The following HECW2 variants were observed in gnomAD, a reference collection of about 807,000 sequenced individuals.
HECW2 encodes the protein E3 ubiquitin-protein ligase HECW2.
In HECW2, 61 loss-of-function variants were observed where a neutral mutation model predicts 175.2. That is an observed-to-expected ratio of 0.35 (90% CI 0.28 to 0.43). HECW2 has a LOEUF of 0.43. Ranked by LOEUF, HECW2 falls within the 20% of genes least tolerant of loss-of-function variation. The pLI is 1.00. For synonymous variants in HECW2, 671 were observed against 731.0 expected, an observed-to-expected ratio of 0.92 and a Z score of 1.32; for missense variants, 1,524 against 2,000.5, an observed-to-expected ratio of 0.76 and a Z score of 4.54.
intron 1 of HECW2, among the ~76,000 whole-genome samples, chr2:196,538,852 AG>A (rs1689108141): frequency 6.6e-6 from 1 of 152,148 alleles, no homozygotes; most frequent in Non-Finnish European, 1.5e-5. Context: ...GCAGTCACCT[AG>A]GAACCAGCCG....
chr2:196,561,931 G>A (rs1329529183), intron 1 of HECW2, among the ~76,000 whole-genome samples: 2 of 152,186 alleles, frequency 1.3e-5, no homozygotes, highest in Non-Finnish European at 2.9e-5. Context: ...AATGAAAAGA[G>A]GCAATCAGTA....
intron 2 of HECW2, among the ~76,000 whole-genome samples, chr2:196,400,127 A>G (rs1049842477): frequency 5.3e-5 from 8 of 152,236 alleles, no homozygotes; most frequent in Non-Finnish European, 7.3e-5. Flanking sequence ...GCTTCTTCAT[A>G]GGTCTAAGAA....
intron 14 of HECW2, among the ~76,000 whole-genome samples, chr2:196,283,522 C>T (rs373606316): frequency 2.4e-4 from 36 of 151,668 alleles, no homozygotes; most frequent in South Asian, 1.7e-3. Context: ...ATTACAGGCA[C>T]GCACCACCAC....
chr2:196,520,136 C>T (rs1397354650), intron 1 of HECW2, among the ~76,000 whole-genome samples: 2 of 152,010 alleles, frequency 1.3e-5, no homozygotes, highest in African/African-American at 4.8e-5. Flanking sequence ...AAGTAATGTA[C>T]CAACGTTGAA....
At chr2:196,223,438 A>G (rs1687741948) in intron 23 of HECW2, among the ~76,000 whole-genome samples, 1 of 152,196 alleles carries the variant, frequency 6.6e-6, no homozygotes, top group Non-Finnish European at 1.5e-5. Flanking sequence ...CGTAAAAAGG[A>G]ATACATGAAG....
chr2:196,502,717 A>G (rs1314210061), intron 1 of HECW2, among the ~76,000 whole-genome samples: 1 of 152,190 alleles, frequency 6.6e-6, no homozygotes, highest in Non-Finnish European at 1.5e-5. Context: ...AATAATGGGT[A>G]AGAGCAACTA....
intron 14 of HECW2, among the ~76,000 whole-genome samples, chr2:196,286,631 T>C (rs1038822971): frequency 2.6e-5 from 4 of 152,184 alleles, no homozygotes; most frequent in African/African-American, 9.7e-5. Context: ...CTTTCTAACA[T>C]ATTTTTACCT....
At chr2:196,535,491 A>G (rs1688991626) in intron 1 of HECW2, among the ~76,000 whole-genome samples, 1 of 152,238 alleles carries the variant, frequency 6.6e-6, no homozygotes. Flanking sequence ...GAGACTTACT[A>G]AAGGCAAATT....
chr2:196,555,033 T>C (rs866508692), intron 1 of HECW2, among the ~76,000 whole-genome samples: 1 of 152,030 alleles, frequency 6.6e-6, no homozygotes, highest in Non-Finnish European at 1.5e-5. Context: ...TTGTCAAACC[T>C]TCAAGGTCGC....
chr2:196,292,809 A>T, intron 13 of HECW2, 59 bp from the exon 14 acceptor site: 1 of 1,314,886 alleles, frequency 7.6e-7, no homozygotes, highest in Admixed American at 1.9e-5. Context: ...AAGCACCAGA[A>T]ATACTACACA....
intron 1 of HECW2, among the ~76,000 whole-genome samples, chr2:196,581,393 G>T (rs186001647): frequency 3.7e-4 from 57 of 152,160 alleles, no homozygotes; most frequent in Non-Finnish European, 4.3e-4. Flanking sequence ...AAATAGCTGG[G>T]CATGGTGGCA....
intron 2 of HECW2, among the ~76,000 whole-genome samples, chr2:196,367,110 C>T (rs1309354691): frequency 6.6e-6 from 1 of 152,142 alleles, no homozygotes; most frequent in African/African-American, 2.4e-5. Flanking sequence ...CATTCAGAGA[C>T]TCTAACATAT....
chr2:196,309,491 T>C lies in HECW2; in HGVS notation c.2435-1406A>G, dbSNP rs531642531. Among the ~76,000 whole-genome samples the C allele has an allele frequency of 5.9e-5, 9 of 152,366 alleles. No homozygotes were observed. The South Asian group carries it at 1.4e-3, about 25-fold the overall frequency. On this transcript the variant is annotated intron_variant, in intron 10 of 28. Coordinates refer to ENST00000644978, the MANE Select transcript of HECW2 (RefSeq NM_001348768.2). ...AGACCTCACGCCCAGCCTGTTGATA[T>C]GCTCACAAATAGCAAGTACATTAAA...
chr2:196,438,757 T>C (rs1695953702), intron 1 of HECW2, among the ~76,000 whole-genome samples: 1 of 152,266 alleles, frequency 6.6e-6, no homozygotes, highest in Admixed American at 6.5e-5. Flanking sequence ...AATCCTGTTA[T>C]ATGAAGACAT....
chr2:196,401,255 C>A (rs1469857108), intron 2 of HECW2, among the ~76,000 whole-genome samples: 1 of 152,136 alleles, frequency 6.6e-6, no homozygotes, highest in Non-Finnish European at 1.5e-5. Flanking sequence ...AATTATAGTA[C>A]AAGCATATTA....
chr2:196,290,235 G>C (rs1336918571), intron 14 of HECW2: 8 of 152,158 alleles, frequency 5.3e-5, no homozygotes, highest in Non-Finnish European at 8.8e-5. Flanking sequence ...AGGATGTTTT[G>C]TATAGTCATG....
intron 14 of HECW2, chr2:196,288,184 G>A (rs1004472926): frequency 1.3e-5 from 2 of 152,126 alleles, no homozygotes. Flanking sequence ...TTGTGCCAAT[G>A]TGTCGATCTG....
chr2:196,541,552 G>T (rs1689214493), intron 1 of HECW2, among the ~76,000 whole-genome samples: 1 of 152,204 alleles, frequency 6.6e-6, no homozygotes, highest in African/African-American at 2.4e-5. Flanking sequence ...AGGCTTATGG[G>T]TATGGCTTCT....
At chr2:196,374,259 T>G (rs1021844263) in intron 2 of HECW2, among the ~76,000 whole-genome samples, 1 of 152,118 alleles carries the variant, frequency 6.6e-6, no homozygotes, top group Non-Finnish European at 1.5e-5. Context: ...CATGAGATAA[T>G]AAGTGGAAAA....
Sources: allele counts gnomAD v4.1 joint callset (sites outside exome capture counted in the v4.1 genomes callset), GRCh38; gene constraint gnomAD v4.1.1; transcripts MANE v1.5; gene names NCBI Gene and HGNC (gene_info 2026-07-23, HGNC 2026-07-21).